The following MAPK8 variants were observed in gnomAD, a reference collection of about 807,000 sequenced individuals.
MAPK8 encodes mitogen-activated protein kinase 8.
MAPK8 carries 13 observed loss-of-function variants against 52.9 expected under a neutral mutation model. The ratio of observed to expected loss-of-function variants is 0.25; its 90% confidence interval spans 0.16 to 0.39. The LOEUF is 0.39. Among genes scored for constraint, MAPK8 ranks in the 10% least tolerant of loss-of-function variants. The pLI is 1.00. For missense variants in MAPK8, 300 were observed against 519.2 expected (o/e 0.58, Z 4.10); for synonymous variants, 191 against 169.8 (o/e 1.12, Z -0.97).
At chr10:48,409,605 T>C (rs991569290) in intron 3 of MAPK8, among the ~76,000 whole-genome samples, 16 of 152,124 alleles carry the variant, frequency 1.1e-4, no homozygotes, top group African/African-American at 3.9e-4. Flanking sequence ...ATGTAGAGGT[T>C]TGTATAATGT....
At chr10:48,313,080 C>T (rs1233534866) in intron 1 of MAPK8, among the ~76,000 whole-genome samples, 1 of 152,080 alleles carries the variant, frequency 6.6e-6, no homozygotes, top group South Asian at 2.1e-4. Flanking sequence ...CCGTGTTATC[C>T]AAAATCCCTA....
At chr10:48,314,543 T>C (rs1286270532) in intron 1 of MAPK8, among the ~76,000 whole-genome samples, 6 of 152,196 alleles carry the variant, frequency 3.9e-5, no homozygotes, top group African/African-American at 7.2e-5. Context: ...CTTAAATGCA[T>C]AGGATAAATT....
chr10:48,357,163 A>T (rs758914815), intron 1 of MAPK8, among the ~76,000 whole-genome samples: 3 of 152,148 alleles, frequency 2.0e-5, no homozygotes, highest in Non-Finnish European at 4.4e-5. Flanking sequence ...TGTCTCATTA[A>T]CTGATAGAAC....
chr10:48,438,538 G>A lies in MAPK8; in HGVS notation c.*3509G>A, dbSNP rs563527484. The A allele has an allele frequency of 1.3e-5, 2 of 152,164 alleles. No homozygotes were observed. Among genetic ancestry groups the A allele is most frequent in the Non-Finnish European group, 2.9e-5 (2 of 68,024 alleles). 9.4% of individuals were successfully genotyped at this position (152,164 alleles called of 1,614,324 possible). A position where few individuals can be genotyped will look rare whatever the true frequency, so the allele number is the denominator to read the frequency against. ...TCTAGTTTAGATTCTCTTCGTTACTGAAACTTTTGAGAAATATTACCTGTG... is the reference window on the plus strand; with the variant it reads ...TCTAGTTTAGATTCTCTTCGTTACTAAAACTTTTGAGAAATATTACCTGTG... On this transcript the variant is annotated 3_prime_UTR_variant, in exon 12 of 12. Transcript: ENST00000374189.
At chr10:48,425,811 T>G in intron 7 of MAPK8, 77 bp from the exon 8 acceptor site, 1 of 338,532 alleles carries the variant, frequency 3.0e-6, no homozygotes, top group South Asian at 4.6e-5. Context: ...TTTAAATTTC[T>G]ATTTTCTTGT....
At chr10:48,313,438 AAAC>A (rs1350846105) in intron 1 of MAPK8, among the ~76,000 whole-genome samples, 76 of 152,234 alleles carry the variant, frequency 5.0e-4, no homozygotes, top group Middle Eastern at 3.4e-3. Context: ...CTGTCTCAAA[AAAC>A]AACAACAACA....
chr10:48,393,885 T>A (rs1275271448), intron 1 of MAPK8, among the ~76,000 whole-genome samples: 1 of 151,818 alleles, frequency 6.6e-6, no homozygotes, highest in Non-Finnish European at 1.5e-5. Flanking sequence ...GTAAGAGAAA[T>A]TAAAATCTTG....
chr10:48,346,400 C>T (rs566255186), intron 1 of MAPK8, among the ~76,000 whole-genome samples: 1 of 152,236 alleles, frequency 6.6e-6, no homozygotes, highest in Non-Finnish European at 1.5e-5. Context: ...TGCAAGCCTT[C>T]TGTTATGCCC....
chr10:48,349,060 T>C (rs1462219001), intron 1 of MAPK8, among the ~76,000 whole-genome samples: 1 of 151,902 alleles, frequency 6.6e-6, no homozygotes, highest in Non-Finnish European at 1.5e-5. Context: ...AAGGGATCAA[T>C]GCAACAAGAA....
intron 1 of MAPK8, among the ~76,000 whole-genome samples, chr10:48,323,574 A>G (rs1242428057): frequency 1.3e-5 from 2 of 152,236 alleles, no homozygotes; most frequent in Non-Finnish European, 2.9e-5. Context: ...TTAGCATGCC[A>G]TCTTCATTTA....
chr10:48,309,917 G>A (rs1841808943), intron 1 of MAPK8, among the ~76,000 whole-genome samples: 1 of 152,168 alleles, frequency 6.6e-6, no homozygotes, highest in African/African-American at 2.4e-5. Context: ...CTTTATATAT[G>A]AATCATTTGC....
intron 1 of MAPK8, among the ~76,000 whole-genome samples, chr10:48,384,876 A>T (rs562291417): frequency 6.6e-6 from 1 of 152,344 alleles, no homozygotes; most frequent in African/African-American, 2.4e-5. Context: ...AGGCATAGTT[A>T]ATACAGATAA....
At chr10:48,339,159 G>A (rs1430384401) in intron 1 of MAPK8, among the ~76,000 whole-genome samples, 1 of 152,042 alleles carries the variant, frequency 6.6e-6, no homozygotes, top group Admixed American at 6.6e-5. Context: ...CAAAGCCAGA[G>A]GCATCATATT....
At chr10:48,355,847 CAAAG>C (rs891262548) in intron 1 of MAPK8, among the ~76,000 whole-genome samples, 36 of 152,104 alleles carry the variant, frequency 2.4e-4, no homozygotes, top group African/African-American at 8.4e-4. Flanking sequence ...ACATCAAAGA[CAAAG>C]AAAAGATCTT....
intron 1 of MAPK8, among the ~76,000 whole-genome samples, chr10:48,366,506 G>C (rs926091313): frequency 1.3e-5 from 2 of 152,164 alleles, no homozygotes; most frequent in Non-Finnish European, 2.9e-5. Context: ...CAGATGTGTG[G>C]TTATAAGGGT....
At chr10:48,353,892 G>A (rs1006508035) in intron 1 of MAPK8, among the ~76,000 whole-genome samples, 7 of 152,190 alleles carry the variant, frequency 4.6e-5, no homozygotes, top group African/African-American at 1.7e-4. Context: ...AACAGAGAGG[G>A]AAGTGAATGT....
intron 1 of MAPK8, among the ~76,000 whole-genome samples, chr10:48,381,778 A>G (rs2041019905): frequency 2.0e-5 from 3 of 152,194 alleles, no homozygotes; most frequent in Admixed American, 1.3e-4. Flanking sequence ...TGACTCAAAC[A>G]TTTTATGATT....
At chr10:48,391,650 T>C (rs1190150538) in intron 1 of MAPK8, among the ~76,000 whole-genome samples, 1 of 152,182 alleles carries the variant, frequency 6.6e-6, no homozygotes, top group East Asian at 1.9e-4. Context: ...TTGCAGCAGA[T>C]GCCTGCTAAG....
At chr10:48,357,852 A>G (rs1035317488) in intron 1 of MAPK8, among the ~76,000 whole-genome samples, 2 of 151,998 alleles carry the variant, frequency 1.3e-5, no homozygotes, top group African/African-American at 4.8e-5. Context: ...TTACGTAGTC[A>G]CTCCTCATTC....
Sources: gnomAD v4.1 joint callset for allele counts (sites outside exome capture counted in the v4.1 genomes callset) on GRCh38, gnomAD v4.1.1 for gene constraint, MANE v1.5 for transcripts, NCBI Gene and HGNC (gene_info 2026-07-23, HGNC 2026-07-21) for gene names.